The following OLFM3 variants were observed in gnomAD, a reference collection of about 807,000 sequenced individuals.
OLFM3 encodes olfactomedin 3.
Under a neutral mutation model 48.6 loss-of-function variants are expected in OLFM3, and 20 were observed. The observed-to-expected ratio is 0.41, with a 90% confidence interval of 0.29 to 0.60. The LOEUF (loss-of-function observed/expected upper bound fraction) is 0.60. OLFM3 is among the 20% of genes least tolerant of loss of function. OLFM3 has a pLI of 0.28. For missense variants in OLFM3, 437 were observed against 544.3 expected (o/e 0.80, Z 1.96); for synonymous variants, 222 against 198.1 (o/e 1.12, Z -1.01).
At chr1:101,956,847 G>A (rs900652775) in intron 1 of OLFM3, among the ~76,000 whole-genome samples, 1 of 151,772 alleles carries the variant, frequency 6.6e-6, no homozygotes, top group Non-Finnish European at 1.5e-5. Flanking sequence ...GCATCTATTT[G>A]GTTTTTGACT....
At chr1:101,840,931 G>A (rs866216538) in intron 1 of OLFM3, among the ~76,000 whole-genome samples, 21 of 152,244 alleles carry the variant, frequency 1.4e-4, no homozygotes, top group Non-Finnish European at 2.6e-4. Flanking sequence ...TGAACCTTTC[G>A]TGTTAATTGG....
intron 1 of OLFM3, among the ~76,000 whole-genome samples, chr1:101,869,142 A>G (rs1359481791): frequency 6.6e-6 from 1 of 152,186 alleles, no homozygotes; most frequent in Non-Finnish European, 1.5e-5. Flanking sequence ...GATGGTCACC[A>G]TCCTCCAGAC....
chr1:101,965,311 T>G (rs1660577413), intron 1 of OLFM3, among the ~76,000 whole-genome samples: 1 of 152,128 alleles, frequency 6.6e-6, no homozygotes, highest in Non-Finnish European at 1.5e-5. Context: ...GTTGTAGAAT[T>G]AAAATGCGGG....
At chr1:101,824,948 T>A in intron 4 of OLFM3, 78 bp downstream of exon 4, 1 of 1,254,556 alleles carries the variant, frequency 8.0e-7, no homozygotes, top group Non-Finnish European at 1.1e-6. Context: ...TTTATGACTC[T>A]TTATAAAACG....
intron 1 of OLFM3, among the ~76,000 whole-genome samples, chr1:101,971,890 A>G (rs1660814772): frequency 6.6e-6 from 1 of 151,710 alleles, no homozygotes; most frequent in African/African-American, 2.4e-5. Flanking sequence ...TGCTTTAAGG[A>G]TTTTAGGATG....
At chr1:101,925,511 T>G (rs1240695371) in intron 1 of OLFM3, among the ~76,000 whole-genome samples, 7 of 151,826 alleles carry the variant, frequency 4.6e-5, no homozygotes, top group Non-Finnish European at 8.8e-5. Flanking sequence ...TCTATTTTAA[T>G]TTTTTATTTA....
chr1:101,844,744 C>T lies in OLFM3; in HGVS notation c.70-7719G>A, dbSNP rs147294790. Among the ~76,000 whole-genome samples, 31 of 152,178 alleles carry T rather than the reference C, an allele frequency of 2.0e-4. 2 individuals carry two copies. The East Asian group carries it at 5.4e-3, about 27-fold the overall frequency. On this transcript the variant is annotated intron_variant, in intron 1 of 5. Coordinates refer to ENST00000370103, the MANE Select transcript of OLFM3 (RefSeq NM_058170.4). Reference sequence around the variant, plus strand: ...CAATCATTTATTATCTGACTTAAGACCTCTTTTATGTTTTGAATTTTCATT... The same window carrying T: ...CAATCATTTATTATCTGACTTAAGATCTCTTTTATGTTTTGAATTTTCATT...
At chr1:101,897,525 C>T (rs1658247667) in intron 1 of OLFM3, among the ~76,000 whole-genome samples, 1 of 152,040 alleles carries the variant, frequency 6.6e-6, no homozygotes, top group Non-Finnish European at 1.5e-5. Context: ...GTATAGCCCT[C>T]AAGTGAACAT....
In OLFM3 at chr1:101,806,141, T is replaced by C. The variant is rs770931362; in HGVS notation, c.634A>G (p.Lys212Glu). 1 of 1,612,144 alleles carries C rather than the reference T, an allele frequency of 6.2e-7. No individual in the cohort carries two copies. Among genetic ancestry groups the C allele is most frequent in the East Asian group, 2.2e-5 (1 of 44,820 alleles). ...LMKITGPVTVKTSGTRFGAWM... is the reference protein window; with the variant it reads ...LMKITGPVTVETSGTRFGAWM... ...GCACCAAATCGGGTTCCAGATGTCT[T>C]GACTGTAACTGGGCCTGTGATTTTC... is the stretch of plus-strand genomic sequence containing the variant. The change falls in exon 5 of 6, where the codon AAG becomes GAG. Residue 212 changes from lysine (K) to glutamate (E), a missense_variant. Around this residue, in one of 3 missense-constraint regions of OLFM3, gnomAD observed 314 missense variants for 365.5 expected, o/e 0.86. Transcript: ENST00000370103.
At chr1:101,842,362 C>T (rs1307388624) in intron 1 of OLFM3, among the ~76,000 whole-genome samples, 1 of 151,938 alleles carries the variant, frequency 6.6e-6, no homozygotes, top group Non-Finnish European at 1.5e-5. Context: ...AATGAGACCC[C>T]CTCATCTCTA....
At chr1:101,974,265 T>G (rs1156849748) in intron 1 of OLFM3, among the ~76,000 whole-genome samples, 2 of 152,170 alleles carry the variant, frequency 1.3e-5, no homozygotes, top group Non-Finnish European at 2.9e-5. Context: ...TTCGTGTCTG[T>G]GGAAGAAATT....
chr1:101,826,679 G>A (rs1167311427), intron 3 of OLFM3, among the ~76,000 whole-genome samples: 1 of 152,160 alleles, frequency 6.6e-6, no homozygotes, highest in African/African-American at 2.4e-5. Flanking sequence ...TAATGAGAAA[G>A]ATTCATAAAT....
chr1:101,967,960 A>T (rs1660665156), intron 1 of OLFM3, among the ~76,000 whole-genome samples: 1 of 152,062 alleles, frequency 6.6e-6, no homozygotes, highest in Admixed American at 6.6e-5. Flanking sequence ...TTATTTTTGG[A>T]TCAAACATAC....
At chr1:101,815,965 C>G (rs1253900925) in intron 4 of OLFM3, among the ~76,000 whole-genome samples, 2 of 152,154 alleles carry the variant, frequency 1.3e-5, no homozygotes, top group East Asian at 1.9e-4. Flanking sequence ...ATTTATAAGA[C>G]TCATCAAAGA....
rs752613328 is a variant in OLFM3, at chr1:101,804,308, C to T, written c.1307G>A (p.Trp436Ter). The T allele has an allele frequency of 6.2e-7, 1 of 1,611,740 alleles. No individual in the cohort carries two copies. The highest frequency in any genetic ancestry group is 1.1e-5 in the South Asian group (1 of 90,954). ...YNARDRALYAWNNGHQVLFNV... is the reference protein window; with the variant it reads ...YNARDRALYA ...GAACAGCACCTGGTGGCCATTGTTC[C>T]AGGCATAGAGAGCTCGATCTCTTGC... The change falls in exon 6 of 6, where the codon TGG becomes TAG. Residue 436 changes from tryptophan to a stop codon, truncating the protein, a stop_gained. Coordinates refer to ENST00000370103, the MANE Select transcript of OLFM3 (RefSeq NM_058170.4). LOFTEE classifies it high-confidence loss of function. This position sits in a 1 kb window ranked among gnomAD's most constrained non-coding sequence, Gnocchi z 4.5.
At chr1:101,812,709 C>T (rs145721647) in intron 4 of OLFM3, 31 of 986,500 alleles carry the variant, frequency 3.1e-5, no homozygotes, top group South Asian at 1.4e-4. Context: ...TAGGTTGTTT[C>T]GGCCAAAACT....
At position 101,812,771 on chromosome 1, in the gene OLFM3, A is replaced by G. The variant is rs578244247; in HGVS notation, c.593-6589T>C. ...AAAGCTTCTGGCTCTTAAACTAAAC[A>G]TTGGGTGACCATGGTAAAGTGGTCT... is the stretch of plus-strand genomic sequence containing the variant. On this transcript the variant is annotated intron_variant, in intron 4 of 5. Coordinates refer to ENST00000370103, the MANE Select transcript of OLFM3 (RefSeq NM_058170.4). The G allele has an allele frequency of 6.1e-6, 6 of 988,730 alleles. No homozygotes were observed. The South Asian group carries it at 2.3e-4, about 38-fold the overall frequency. 61.2% of individuals were successfully genotyped at this position (988,730 alleles called of 1,614,324 possible). A position where few individuals can be genotyped will look rare whatever the true frequency, so the allele number is the denominator to read the frequency against.
intron 1 of OLFM3, among the ~76,000 whole-genome samples, chr1:101,967,863 T>C (rs1310602539): frequency 6.6e-6 from 1 of 151,986 alleles, no homozygotes; most frequent in African/African-American, 2.4e-5. Context: ...GTGCAGGCAT[T>C]CTTCAGAGTA....
intron 1 of OLFM3, among the ~76,000 whole-genome samples, chr1:101,860,542 T>G (rs181092012): frequency 1.3e-5 from 2 of 152,162 alleles, no homozygotes; most frequent in Admixed American, 1.3e-4. Context: ...CATTGTCTTT[T>G]GAGGAGTCCG....
Sources: allele counts gnomAD v4.1 joint callset (sites outside exome capture counted in the v4.1 genomes callset), GRCh38; gene constraint gnomAD v4.1.1; regional missense constraint gnomAD v4.1.1; non-coding constraint Gnocchi (gnomAD v3.1); transcripts MANE v1.5; gene names NCBI Gene and HGNC (gene_info 2026-07-23, HGNC 2026-07-21).